KCNK9: variants seen among roughly 807,000 people sequenced by gnomAD.
KCNK9 encodes the protein potassium two pore domain channel subfamily K member 9.
KCNK9 carries 1 observed loss-of-function variant against 10.8 expected under a neutral mutation model. That is an observed-to-expected ratio of 0.09 (90% confidence interval 0.03 to 0.44). KCNK9 has a LOEUF of 0.44. KCNK9 is among the 20% of genes least tolerant of loss of function. The pLI, the probability that KCNK9 is intolerant of heterozygous loss-of-function variation, is 0.97. For missense variants in KCNK9, 303 were observed against 515.0 expected, an observed-to-expected ratio of 0.59 and a Z score of 3.98; for synonymous variants, 231 against 222.7, an observed-to-expected ratio of 1.04 and a Z score of -0.33.
At chr8:139,660,946 C>A (rs929982226) in intron 1 of KCNK9, among the ~76,000 whole-genome samples, 3 of 152,212 alleles carry the variant, frequency 2.0e-5, no homozygotes, top group South Asian at 4.1e-4. Flanking sequence ...GCATCCTCAA[C>A]CCCCAGCTTG....
intron 1 of KCNK9, among the ~76,000 whole-genome samples, chr8:139,673,351 G>C (rs1280003081): frequency 6.6e-6 from 1 of 152,268 alleles, no homozygotes; most frequent in East Asian, 1.9e-4. Context: ...GGGATTGTAT[G>C]CTATGTGAAC....
rs1433990156 is a variant in KCNK9, at chr8:139,619,224, C to T, written c.284-125G>A. The T allele has an allele frequency of 3.6e-6, 4 of 1,100,156 alleles. No homozygotes were observed. The South Asian group carries it at 4.2e-5, about 12-fold the overall frequency. 68.1% of individuals were successfully genotyped at this position (1,100,156 alleles called of 1,614,324 possible). A position where few individuals can be genotyped will look rare whatever the true frequency, so the allele number is the denominator to read the frequency against. On this transcript the variant is annotated intron_variant, in intron 1 of 1. Coordinates refer to ENST00000520439, the MANE Select transcript of KCNK9 (RefSeq NM_001282534.2). Reference sequence around the variant, plus strand: ...AGGGACCTGGTACTGGGGGAATTTCCTCTGCAGGGTAGAGGGGCGTGGCCA... The same window carrying T: ...AGGGACCTGGTACTGGGGGAATTTCTTCTGCAGGGTAGAGGGGCGTGGCCA...
At chr8:139,627,783 G>C (rs577671025) in intron 1 of KCNK9, among the ~76,000 whole-genome samples, 1 of 152,216 alleles carries the variant, frequency 6.6e-6, no homozygotes, top group African/African-American at 2.4e-5. Context: ...ACACTCCCCT[G>C]TGTCTCTTGT....
chr8:139,659,678 AT>A (rs543890522), intron 1 of KCNK9, among the ~76,000 whole-genome samples: 30,626 of 132,978 alleles, frequency 0.23, 3,207 homozygotes, highest in South Asian at 0.36. Flanking sequence ...TGCCCAGCTA[AT>A]TTTTTTTTTT....
chr8:139,643,864 C>A (rs554792623), intron 1 of KCNK9, among the ~76,000 whole-genome samples: 3 of 152,212 alleles, frequency 2.0e-5, no homozygotes, highest in African/African-American at 7.2e-5. Context: ...GAGCCACAGC[C>A]CCCAGCCCCC....
chr8:139,683,761 G>C (rs896952158), intron 1 of KCNK9, among the ~76,000 whole-genome samples: 25 of 152,336 alleles, frequency 1.6e-4, no homozygotes, highest in Middle Eastern at 6.8e-3. Flanking sequence ...CTTTCCAGGA[G>C]ACCAGACTGG....
At chr8:139,691,495 C>T (rs1193954740) in intron 1 of KCNK9, among the ~76,000 whole-genome samples, 1 of 152,218 alleles carries the variant, frequency 6.6e-6, no homozygotes. Context: ...CAACTGAGTG[C>T]TGTGCCCCCT....
intron 1 of KCNK9, among the ~76,000 whole-genome samples, chr8:139,668,678 TCCCAAAGTG>T (rs1816356370): frequency 6.6e-6 from 1 of 152,214 alleles, no homozygotes; most frequent in African/African-American, 2.4e-5. Flanking sequence ...CATCTTGGCC[TCCCAAAGTG>T]CTGGGATTAC....
intron 1 of KCNK9, among the ~76,000 whole-genome samples, chr8:139,686,338 G>A (rs1257276752): frequency 6.6e-6 from 1 of 152,142 alleles, no homozygotes; most frequent in African/African-American, 2.4e-5. Context: ...CCTACAGAAT[G>A]GGAGAAAATT....
intron 1 of KCNK9, among the ~76,000 whole-genome samples, chr8:139,655,882 G>A (rs951164514): frequency 1.3e-5 from 2 of 152,202 alleles, no homozygotes; most frequent in African/African-American, 2.4e-5. Context: ...GAGACAGAGC[G>A]ATGCTGTGGA....
chr8:139,613,103 C>T (rs1023778651), downstream of KCNK9, among the ~76,000 whole-genome samples: 2 of 152,178 alleles, frequency 1.3e-5, no homozygotes, highest in Admixed American at 6.5e-5. Flanking sequence ...ACAATGGCAC[C>T]GTTAGGTAGG....
At chr8:139,673,199 G>A (rs1816475440) in intron 1 of KCNK9, among the ~76,000 whole-genome samples, 1 of 152,110 alleles carries the variant, frequency 6.6e-6, no homozygotes, top group Non-Finnish European at 1.5e-5. Flanking sequence ...TAGGCCTGGG[G>A]GGAATGGAGG....
At chr8:139,646,685 G>T (rs1032092949) in intron 1 of KCNK9, among the ~76,000 whole-genome samples, 1 of 152,252 alleles carries the variant, frequency 6.6e-6, no homozygotes, top group African/African-American at 2.4e-5. Flanking sequence ...ATGAATGAAT[G>T]AATGCATCCT....
At chr8:139,656,153 C>T (rs1816013964) in intron 1 of KCNK9, among the ~76,000 whole-genome samples, 1 of 152,184 alleles carries the variant, frequency 6.6e-6, no homozygotes, top group South Asian at 2.1e-4. Context: ...CTGATGCCCC[C>T]AGGTGCAGGT....
At chr8:139,658,449 G>A (rs1340536412) in intron 1 of KCNK9, among the ~76,000 whole-genome samples, 4 of 152,144 alleles carry the variant, frequency 2.6e-5, no homozygotes, top group Non-Finnish European at 5.9e-5. Flanking sequence ...CCAGATGCGG[G>A]CCTCAGGCTA....
At chr8:139,650,158 A>C (rs1345225307) in intron 1 of KCNK9, among the ~76,000 whole-genome samples, 1 of 152,218 alleles carries the variant, frequency 6.6e-6, no homozygotes, top group Non-Finnish European at 1.5e-5. Flanking sequence ...ATCTCCCCCA[A>C]GTAAGATCCA....
At chr8:139,676,754 C>A (rs1232365741) in intron 1 of KCNK9, among the ~76,000 whole-genome samples, 1 of 152,148 alleles carries the variant, frequency 6.6e-6, no homozygotes, top group Non-Finnish European at 1.5e-5. Context: ...AGCTCAAGAC[C>A]AGCCTGGCCA....
At chr8:139,683,835 C>T (rs1239076992) in intron 1 of KCNK9, among the ~76,000 whole-genome samples, 1 of 152,224 alleles carries the variant, frequency 6.6e-6, no homozygotes, top group Non-Finnish European at 1.5e-5. Context: ...TTCTCCCAGT[C>T]ATCTGCCAAT....
chr8:139,679,572 G>T (rs1426868657), intron 1 of KCNK9, among the ~76,000 whole-genome samples: 1 of 152,230 alleles, frequency 6.6e-6, no homozygotes, highest in Non-Finnish European at 1.5e-5. Context: ...ATCTGTCGAA[G>T]TCACCAAGAG....
Sources: allele counts gnomAD v4.1 joint callset (sites outside exome capture counted in the v4.1 genomes callset), GRCh38; gene constraint gnomAD v4.1.1; transcripts MANE v1.5; gene names NCBI Gene and HGNC (gene_info 2026-07-23, HGNC 2026-07-21).